Variants in RNF213 observed in about 807,000 individuals in gnomAD.
RNF213 encodes the protein ring finger protein 213, also known as E3 ubiquitin-protein ligase RNF213.
In RNF213, 341 loss-of-function variants were observed where a neutral mutation model predicts 514.4. The observed-to-expected ratio is 0.66, with a 90% CI of 0.61 to 0.73. The LOEUF (loss-of-function observed/expected upper bound fraction) is 0.73. RNF213 is among the 30% of genes least tolerant of loss of function. RNF213 has a pLI of 0.00. For missense variants in RNF213, 5,767 were observed against 6,615.6 expected, an observed-to-expected ratio of 0.87 and a Z score of 4.45; for synonymous variants, 2,655 against 2,658.2, an observed-to-expected ratio of 1.00 and a Z score of 0.04.
At chr17:80,389,541 G>A (rs539180471) in intron 65 of RNF213, among the ~76,000 whole-genome samples, 174 bp downstream of exon 65, 1 of 152,324 alleles carries the variant, frequency 6.6e-6, no homozygotes, top group Non-Finnish European at 1.5e-5. Flanking sequence ...ACCAGGGACA[G>A]TAGAGACAGA....
intron 36 of RNF213, chr17:80,354,900 A>C: frequency 2.5e-6 from 1 of 397,338 alleles, no homozygotes; most frequent in Middle Eastern, 8.2e-4. Flanking sequence ...TGCTGTTTTC[A>C]GTCATGAAGT....
chr17:80,305,038 GTATT>G lies in RNF213; in HGVS notation c.2211-1200_2211-1197del, dbSNP rs539011828. Among the ~76,000 whole-genome samples the G allele has an allele frequency of 9.9e-5, 15 of 152,198 alleles. No homozygotes were observed. The East Asian group carries it at 2.7e-3, about 27-fold the overall frequency. ...ATCCATCTCAATGAATTCTTTTTGT[GTATT>G]TATTTATTTATTTGTAGAGATGGAA... is the stretch of plus-strand genomic sequence containing the variant. On this transcript the variant is annotated intron_variant, in intron 11 of 67. Transcript: ENST00000582970.
chr17:80,366,668 TA>T (rs60777731), intron 42 of RNF213, among the ~76,000 whole-genome samples: 116,072 of 150,380 alleles, frequency 0.77, 45,124 homozygotes, highest in Middle Eastern at 0.82. Flanking sequence ...TGGCTCAAAA[TA>T]AAAAAAAAAA....
chr17:80,290,782 CAGCCTGTGACACGTAGT>C (rs905111660), intron 7 of RNF213, 54 bp downstream of exon 7: 102 of 1,597,588 alleles, frequency 6.4e-5, no homozygotes, highest in Non-Finnish European at 8.1e-5. Context: ...ATAGGATGCC[CAGCCTGTGACACGTAGT>C]TTAAAAAAAT....
At chr17:80,309,634 C>T (rs538811232) in intron 14 of RNF213, among the ~76,000 whole-genome samples, 53 of 152,298 alleles carry the variant, frequency 3.5e-4, no homozygotes, top group African/African-American at 1.2e-3. Flanking sequence ...AAGGCCATAG[C>T]GCCACACATC....
intron 11 of RNF213, chr17:80,298,800 A>G (rs2045062086): frequency 3.2e-6 from 1 of 310,996 alleles, no homozygotes; most frequent in Non-Finnish European, 6.1e-6. Flanking sequence ...ACCCGTCTGT[A>G]CGAAAAATAC....
chr17:80,361,379 G>C (rs998121542), intron 38 of RNF213, among the ~76,000 whole-genome samples: 9 of 152,126 alleles, frequency 5.9e-5, no homozygotes, highest in Non-Finnish European at 8.8e-5. Flanking sequence ...AATTAGCTGG[G>C]TGTGGTGGTG....
chr17:80,268,539 T>G (rs1301384429), intron 2 of RNF213, among the ~76,000 whole-genome samples: 1 of 152,032 alleles, frequency 6.6e-6, no homozygotes, highest in Non-Finnish European at 1.5e-5. Flanking sequence ...CTTAATCAAA[T>G]GGTGATTTCT....
chr17:80,345,556 G>A lies in RNF213; in HGVS notation c.7221G>A (p.Glu2407=). ...TDNMLKILAI[E]MRFRCGIPVI... is the part of the protein sequence containing the mutation. The stretch of plus-strand genomic sequence containing the variant: ...ATATGCTTAAAATCCTTGCCATCGA[G>A]ATGCGGTTCCGGTGTGGGATCCCGG... Residue 2407 remains glutamate, a synonymous_variant, in exon 29 of 68, where the codon GAG becomes GAA. Transcript: ENST00000582970. The surrounding 1 kb of genome is among the most constrained non-coding windows in gnomAD (Gnocchi z 6.0). 6.2e-7 allele frequency: 1 copy of A among 1,613,430 alleles called. No homozygotes were observed.
chr17:80,279,262 G>A (rs73444315), intron 3 of RNF213, among the ~76,000 whole-genome samples: 1,735 of 152,274 alleles, frequency 0.011, 27 homozygotes, highest in African/African-American at 0.04. Flanking sequence ...CAGCAACACA[G>A]GCTTCACCAC....
intron 3 of RNF213, chr17:80,278,961 T>A (rs2044164371): frequency 7.2e-6 from 11 of 1,529,822 alleles, no homozygotes; most frequent in Non-Finnish European, 8.8e-6. Flanking sequence ...TGGTGCATGC[T>A]GGCACAGCCT....
intron 3 of RNF213, among the ~76,000 whole-genome samples, chr17:80,275,187 G>A (rs2044009942): frequency 6.7e-6 from 1 of 149,776 alleles, no homozygotes; most frequent in African/African-American, 2.5e-5. Context: ...TGTGTATGTT[G>A]GGGTGTGTGG....
chr17:80,285,578 A>C (rs1483481141), intron 3 of RNF213, among the ~76,000 whole-genome samples: 1 of 152,044 alleles, frequency 6.6e-6, no homozygotes, highest in Non-Finnish European at 1.5e-5. Flanking sequence ...GCAGCTGACC[A>C]GCCTGTCATT....
chr17:80,387,865 G>A (rs547496503), intron 63 of RNF213, among the ~76,000 whole-genome samples: 7 of 152,004 alleles, frequency 4.6e-5, no homozygotes, highest in Admixed American at 1.3e-4. Flanking sequence ...TTGACTGGAC[G>A]CACTTGTTCC....
rs185234128 is a variant in RNF213, at chr17:80,393,846, C to T, written c.*348C>T. 5.1e-5 allele frequency: 14 copies of T among 273,578 alleles called. No homozygotes were observed. The East Asian group carries it at 9.8e-4, about 19-fold the overall frequency. The allele number at this position is 273,578 out of a possible 1,614,324, so 16.9% of individuals were successfully genotyped here. A position where few individuals can be genotyped will look rare whatever the true frequency, so the allele number is the denominator to read the frequency against. ...CACGCAGTAATGACCTGTGCCCGTT[C>T]GCCTCTGGCACTGCCCACCCCTCTT... On this transcript the variant is annotated 3_prime_UTR_variant, in exon 68 of 68. Transcript: ENST00000582970.
At chr17:80,268,867 C>T (rs1045203504) in intron 2 of RNF213, among the ~76,000 whole-genome samples, 1 of 152,108 alleles carries the variant, frequency 6.6e-6, no homozygotes, top group Non-Finnish European at 1.5e-5. Flanking sequence ...CATGGTAGGC[C>T]GTCTGCAAGC....
chr17:80,352,796 A>G (rs2078577077), intron 32 of RNF213, 144 bp from the exon 33 acceptor site: 2 of 1,294,290 alleles, frequency 1.5e-6, no homozygotes, highest in Admixed American at 1.7e-5. Context: ...GCGCAGGCCC[A>G]TTCCAGGGTT....
rs370520790 is a variant in RNF213 at position 80,273,338 on chromosome 17, G to C, written c.195G>C (p.Pro65=). 1.1e-4 allele frequency: 185 copies of C among 1,613,326 alleles called. No homozygotes were observed. The highest frequency in any genetic ancestry group is 1.5e-4 in the Non-Finnish European group (179 of 1,179,990). ...LKEEGGPCLF[P]GSDSWQENPE... ...AGGAAGGGGGCCCGTGCTTGTTCCCGGGCTCAGACAGTTGGCAAGAAAACC... is the reference window on the plus strand; with the variant it reads ...AGGAAGGGGGCCCGTGCTTGTTCCCCGGCTCAGACAGTTGGCAAGAAAACC... Residue 65 remains proline, a synonymous_variant, in exon 3 of 68, where the codon CCG becomes CCC. Transcript: ENST00000582970.
At chr17:80,262,864 TGAAG>T (rs1452534537) in intron 1 of RNF213, among the ~76,000 whole-genome samples, 2 of 152,160 alleles carry the variant, frequency 1.3e-5, no homozygotes, top group African/African-American at 4.8e-5. Flanking sequence ...TCCTGGCTGC[TGAAG>T]GCACCAGTCA....
Sources: allele counts gnomAD v4.1 joint callset (sites outside exome capture counted in the v4.1 genomes callset), GRCh38; gene constraint gnomAD v4.1.1; non-coding constraint Gnocchi (gnomAD v3.1); transcripts MANE v1.5; gene names NCBI Gene and HGNC (gene_info 2026-07-23, HGNC 2026-07-21).